The following CSMD2 variants were observed in gnomAD, a reference collection of about 807,000 sequenced individuals.
CSMD2 encodes the protein CUB and Sushi multiple domains 2, also known as CUB and sushi domain-containing protein 2.
CSMD2 carries 130 observed loss-of-function variants against 398.5 expected under a neutral mutation model. That is an observed-to-expected ratio of 0.33 (90% CI 0.28 to 0.38). The LOEUF is 0.38. CSMD2 is among the 10% of genes least tolerant of loss of function. The probability of loss-of-function intolerance (pLI) is 1.00; values close to 1 mark genes in which losing one functional copy is unlikely to be tolerated. For missense variants in CSMD2, 3,829 were observed against 4,764.9 expected, an observed-to-expected ratio of 0.80 and a Z score of 5.78; for synonymous variants, 1,828 against 1,908.5, an observed-to-expected ratio of 0.96 and a Z score of 1.10.
intron 10 of CSMD2, among the ~76,000 whole-genome samples, chr1:33,810,018 CAAAT>C (rs780665350): frequency 2.6e-5 from 4 of 151,916 alleles, no homozygotes; most frequent in Admixed American, 1.3e-4. Context: ...AAACCCTAAA[CAAAT>C]AGAGAGATAT....
chr1:33,652,747 AATT>A (rs573334439), intron 27 of CSMD2, among the ~76,000 whole-genome samples: 33 of 152,208 alleles, frequency 2.2e-4, no homozygotes, highest in African/African-American at 4.3e-4. Context: ...CACCTCAATA[AATT>A]ATTATTATTA....
At chr1:33,941,254 C>A (rs975405929) in intron 3 of CSMD2, among the ~76,000 whole-genome samples, 1 of 152,186 alleles carries the variant, frequency 6.6e-6, no homozygotes, top group Non-Finnish European at 1.5e-5. Flanking sequence ...GACAATGAAT[C>A]TCCTCTGTGG....
At chr1:33,597,054 A>G (rs1639887424) in intron 44 of CSMD2, among the ~76,000 whole-genome samples, 1 of 151,524 alleles carries the variant, frequency 6.6e-6, no homozygotes, top group Non-Finnish European at 1.5e-5. Flanking sequence ...TTCCTAAACC[A>G]TGTTTTTTTT....
intron 2 of CSMD2, among the ~76,000 whole-genome samples, chr1:34,059,759 G>C (rs377281894): frequency 5.6e-4 from 78 of 138,092 alleles, no homozygotes; most frequent in African/African-American, 2.0e-3. Flanking sequence ...AACACAAGCA[G>C]TAAAAGTCGA....
At chr1:33,545,905 T>G in intron 57 of CSMD2, 132 bp downstream of exon 57, 1 of 750,986 alleles carries the variant, frequency 1.3e-6, no homozygotes, top group South Asian at 1.8e-5. Flanking sequence ...TGCAGTCCTA[T>G]CAGCCAGGCT....
intron 10 of CSMD2, among the ~76,000 whole-genome samples, chr1:33,796,784 T>C (rs963768098): frequency 3.3e-5 from 5 of 152,300 alleles, no homozygotes; most frequent in East Asian, 1.9e-4. Context: ...TATAAATGGA[T>C]GTGCAAGTAG....
intron 6 of CSMD2, among the ~76,000 whole-genome samples, chr1:33,846,667 CCAGCT>C (rs1259032145): frequency 3.3e-5 from 5 of 152,264 alleles, no homozygotes; most frequent in Non-Finnish European, 4.4e-5. Flanking sequence ...AGGGGCAGCT[CCAGCT>C]ACATAATTTG....
intron 21 of CSMD2, among the ~76,000 whole-genome samples, chr1:33,709,781 G>T (rs1191209342): frequency 6.6e-6 from 1 of 152,068 alleles, no homozygotes; most frequent in Non-Finnish European, 1.5e-5. Context: ...GTCATTAGTC[G>T]CAACAGCCAG....
intron 3 of CSMD2, among the ~76,000 whole-genome samples, chr1:33,991,391 G>C (rs6425869): frequency 1.5e-3 from 230 of 152,280 alleles, no homozygotes; most frequent in African/African-American, 5.3e-3. Flanking sequence ...TAGGGTTCCA[G>C]AGAACACTGA....
At chr1:34,049,558 T>G (rs1260120933) in intron 2 of CSMD2, among the ~76,000 whole-genome samples, 1 of 152,140 alleles carries the variant, frequency 6.6e-6, no homozygotes, top group Non-Finnish European at 1.5e-5. Context: ...TGAATCACTT[T>G]TAGTGACATA....
At chr1:33,786,526 T>G (rs1379968276) in intron 12 of CSMD2, among the ~76,000 whole-genome samples, 1 of 152,238 alleles carries the variant, frequency 6.6e-6, no homozygotes, top group African/African-American at 2.4e-5. Context: ...GAACTACCTG[T>G]GTACTGGCTC....
At chr1:33,761,684 C>T (rs1649834655) in intron 13 of CSMD2, among the ~76,000 whole-genome samples, 2 of 152,182 alleles carry the variant, frequency 1.3e-5, no homozygotes, top group Admixed American at 6.5e-5. Context: ...TAAGCCTGTT[C>T]GTCAGAGCAT....
chr1:34,112,303 C>T (rs1056709870), intron 1 of CSMD2, among the ~76,000 whole-genome samples: 1 of 152,154 alleles, frequency 6.6e-6, no homozygotes, highest in Non-Finnish European at 1.5e-5. Flanking sequence ...TGGCCATTTC[C>T]CCAGATGCCC....
intron 66 of CSMD2, 125 bp downstream of exon 66, chr1:33,524,757 T>A: frequency 1.1e-6 from 1 of 922,428 alleles, no homozygotes; most frequent in East Asian, 2.6e-5. Context: ...ACACTTCCTC[T>A]TCCCTGACCA....
In CSMD2 at chr1:33,648,779, T is replaced by C. The variant is rs146846783; in HGVS notation, c.4587-1944A>G. ...TCCAACAAGGGTAATTTTTCAAGAG[T>C]TTCAATGGGAAATCATTAGGCATCC... On this transcript the variant is annotated intron_variant, in intron 28 of 70. Coordinates refer to ENST00000373381, the MANE Select transcript of CSMD2 (RefSeq NM_001281956.2). 7.2e-4 allele frequency among the ~76,000 whole-genome samples: 110 copies of C among 152,108 alleles called. No homozygotes were observed. In the East Asian group the frequency reaches 0.019, roughly 26 times the overall value.
chr1:33,600,300 T>G (rs1248719410), intron 44 of CSMD2: 2 of 613,090 alleles, frequency 3.3e-6, no homozygotes, highest in Non-Finnish European at 5.9e-6. Context: ...CAGAGAACAT[T>G]CTATAAGTTT....
intron 3 of CSMD2, among the ~76,000 whole-genome samples, chr1:33,969,835 G>A (rs756823782): frequency 3.3e-5 from 5 of 152,204 alleles, no homozygotes; most frequent in South Asian, 2.1e-4. Flanking sequence ...AAATTCAGCC[G>A]GGCGTGGTGG....
intron 5 of CSMD2, among the ~76,000 whole-genome samples, chr1:33,872,885 C>A (rs1026534338): frequency 3.9e-5 from 6 of 152,270 alleles, no homozygotes; most frequent in Admixed American, 6.5e-5. Context: ...GGAGAATTAT[C>A]CCCAGGCTTT....
intron 29 of CSMD2, among the ~76,000 whole-genome samples, chr1:33,644,636 C>T (rs1033070160): frequency 7.9e-5 from 12 of 151,898 alleles, no homozygotes; most frequent in Non-Finnish European, 1.6e-4. Flanking sequence ...GGAGGACTAG[C>T]GGGCAGGACA....
Sources: allele counts gnomAD v4.1 joint callset (sites outside exome capture counted in the v4.1 genomes callset), GRCh38; gene constraint gnomAD v4.1.1; transcripts MANE v1.5; gene names NCBI Gene and HGNC (gene_info 2026-07-23, HGNC 2026-07-21).